Variants in FUT8 observed in about 807,000 individuals in gnomAD.
FUT8 encodes alpha-(1,6)-fucosyltransferase.
FUT8 carries 29 observed loss-of-function variants against 71.3 expected under a neutral mutation model. The ratio of observed to expected loss-of-function variants is 0.41; its 90% CI spans 0.30 to 0.55. The LOEUF (loss-of-function observed/expected upper bound fraction) is 0.55, where lower values mean the gene tolerates loss of function less well. Ranked by LOEUF, FUT8 falls within the 20% of genes least tolerant of loss-of-function variation. FUT8 has a pLI of 0.34. For missense variants in FUT8, 544 were observed against 702.1 expected, an observed-to-expected ratio of 0.77 and a Z score of 2.55; for synonymous variants, 254 against 239.3, an observed-to-expected ratio of 1.06 and a Z score of -0.57.
the FUT8 span, among the ~76,000 whole-genome samples, chr14:65,389,245 C>T: frequency 5.3e-4 from 81 of 151,956 alleles, no homozygotes; most frequent in African/African-American, 1.8e-3. Flanking sequence ...CATTCTGTCA[C>T]CCAGGCTGAA....
chr14:65,579,771 A>G (rs934655705), intron 3 of FUT8, among the ~76,000 whole-genome samples: 2 of 152,134 alleles, frequency 1.3e-5, no homozygotes, highest in African/African-American at 4.8e-5. Flanking sequence ...AGTTGTCCAC[A>G]CAAGGTAACA....
intron 2 of FUT8, among the ~76,000 whole-genome samples, chr14:65,502,134 C>T (rs1012642496): frequency 4.6e-5 from 7 of 152,138 alleles, no homozygotes; most frequent in South Asian, 2.1e-4. Flanking sequence ...TGGTCTCGAA[C>T]TCCTGGCCTC....
intron 3 of FUT8, among the ~76,000 whole-genome samples, chr14:65,567,285 A>G (rs1050281711): frequency 6.6e-6 from 1 of 152,030 alleles, no homozygotes; most frequent in South Asian, 2.1e-4. Context: ...TTAATTTCCG[A>G]TTACCTGTTT....
chr14:65,402,140 C>G, the FUT8 span, among the ~76,000 whole-genome samples: 1 of 150,034 alleles, frequency 6.7e-6, no homozygotes, highest in Non-Finnish European at 1.5e-5. Flanking sequence ...AAGTAAGTTG[C>G]ATAGTCTTCT....
chr14:65,466,157 G>C (rs1240700977), intron 2 of FUT8, among the ~76,000 whole-genome samples: 1 of 151,934 alleles, frequency 6.6e-6, no homozygotes, highest in Non-Finnish European at 1.5e-5. Context: ...CTTTTAATCT[G>C]TCTTCATCTT....
chr14:65,389,722 C>T, the FUT8 span, among the ~76,000 whole-genome samples: 2 of 151,590 alleles, frequency 1.3e-5, no homozygotes, highest in African/African-American at 2.4e-5. Context: ...TCCAAAGTGC[C>T]GGGATTACAG....
At chr14:65,480,650 T>C (rs552174569) in intron 2 of FUT8, among the ~76,000 whole-genome samples, 1 of 151,888 alleles carries the variant, frequency 6.6e-6, no homozygotes, top group Non-Finnish European at 1.5e-5. Flanking sequence ...TTGATTCTTC[T>C]GGGTATGTAT....
upstream of FUT8, chr14:65,410,553 G>A (rs2065111240): frequency 6.7e-6 from 1 of 149,494 alleles, no homozygotes; most frequent in Non-Finnish European, 1.5e-5. Context: ...ACCAAATCCT[G>A]GGCAAAACAT....
intron 7 of FUT8, among the ~76,000 whole-genome samples, chr14:65,677,680 T>C (rs1892827702): frequency 6.6e-6 from 1 of 151,832 alleles, no homozygotes; most frequent in Non-Finnish European, 1.5e-5. Flanking sequence ...AAAGTTTCTT[T>C]AAAAAAAATG....
rs1412488335 is a variant in FUT8, at chr14:65,643,994, C to T, written c.597+14388C>T. Among the ~76,000 whole-genome samples, 1 of 151,870 alleles carries T rather than the reference C, an allele frequency of 6.6e-6. No individual in the cohort carries two copies. Among genetic ancestry groups the T allele is most frequent in the Non-Finnish European group, 1.5e-5 (1 of 67,990 alleles). On this transcript the variant is annotated intron_variant, in intron 6 of 10. Coordinates refer to ENST00000673929, the MANE Select transcript of FUT8 (RefSeq NM_001371533.1). The surrounding 1 kb of genome is among the most constrained non-coding windows in gnomAD (Gnocchi z 4.5). The stretch of plus-strand genomic sequence containing the variant: ...CAATACAGTTCTAGAAACAATTTTC[C>T]AAATCTTAAAGCAGGTCTGGTTTCC...
intron 3 of FUT8, among the ~76,000 whole-genome samples, chr14:65,588,357 C>T (rs1043220817): frequency 6.6e-6 from 1 of 152,136 alleles, no homozygotes; most frequent in Non-Finnish European, 1.5e-5. Context: ...CTATGGCTAT[C>T]CTTTTAAAGT....
intron 10 of FUT8, among the ~76,000 whole-genome samples, chr14:65,741,236 C>T (rs1297585844): frequency 6.6e-6 from 1 of 151,824 alleles, no homozygotes; most frequent in African/African-American, 2.4e-5. Flanking sequence ...TTTAAGTAGC[C>T]TTAAAACTAT....
intron 2 of FUT8, among the ~76,000 whole-genome samples, chr14:65,537,028 AT>A (rs59589281): frequency 0.69 from 100,586 of 144,996 alleles, 34,659 homozygotes; most frequent in East Asian, 0.86. Context: ...AAGTTCTATG[AT>A]TTTTTTTCCT....
At chr14:65,654,928 A>C (rs757718875) in intron 6 of FUT8, among the ~76,000 whole-genome samples, 2 of 151,284 alleles carry the variant, frequency 1.3e-5, no homozygotes, top group Non-Finnish European at 2.9e-5. Context: ...TTTGATACAG[A>C]GTTTTGCAGA....
At chr14:65,698,895 G>A (rs1472804574) in intron 7 of FUT8, among the ~76,000 whole-genome samples, 2 of 152,056 alleles carry the variant, frequency 1.3e-5, no homozygotes, top group Non-Finnish European at 1.5e-5. Flanking sequence ...GACTTATGGG[G>A]GAGACAGATA....
Position 65,633,477 on chromosome 14 carries a change from C to T in FUT8, c.597+3871C>T, listed in dbSNP as rs549635027. On this transcript the variant is annotated intron_variant, in intron 6 of 10. Transcript: ENST00000673929. ...TGTGAGGAGCCCCTCTGCCTGGCTG[C>T]CCAGTCTGGAAAGTGAGGAGCGTCT... Among the ~76,000 whole-genome samples, 75 of 152,234 alleles carry T rather than the reference C, an allele frequency of 4.9e-4. No homozygotes were observed. The East Asian group carries it at 0.013, about 27-fold the overall frequency.
chr14:65,486,226 TATA>T (rs1293709089), intron 2 of FUT8, among the ~76,000 whole-genome samples: 3 of 152,240 alleles, frequency 2.0e-5, no homozygotes, highest in Non-Finnish European at 4.4e-5. Context: ...ATTCTGCATA[TATA>T]ATAATACCTA....
intron 2 of FUT8, among the ~76,000 whole-genome samples, chr14:65,462,024 A>G (rs553621296): frequency 7.4e-4 from 112 of 152,286 alleles, no homozygotes; most frequent in African/African-American, 2.4e-3. Context: ...GTTTGTTTCA[A>G]TTTCCTCATA....
chr14:65,612,175 A>G (rs1480460554), intron 3 of FUT8, among the ~76,000 whole-genome samples: 3 of 151,850 alleles, frequency 2.0e-5, no homozygotes, highest in Non-Finnish European at 4.4e-5. Context: ...CATGAATTTT[A>G]CCTTGTTTGT....
Sources: allele counts gnomAD v4.1 joint callset (sites outside exome capture counted in the v4.1 genomes callset), GRCh38; gene constraint gnomAD v4.1.1; non-coding constraint Gnocchi (gnomAD v3.1); transcripts MANE v1.5; gene names NCBI Gene and HGNC (gene_info 2026-07-23, HGNC 2026-07-21).